FAM209A: variants seen among roughly 807,000 people sequenced by gnomAD.
FAM209A encodes protein FAM209A.
A neutral mutation model predicts 9.8 loss-of-function variants in FAM209A; 4 were observed. That is an observed-to-expected ratio of 0.41 (90% CI 0.20 to 0.94). The LOEUF is 0.94. Ranked by LOEUF, FAM209A falls within the 40% of genes least tolerant of loss-of-function variation. The pLI is 0.32. For synonymous variants in FAM209A, 55 were observed against 77.8 expected (o/e 0.71, Z 1.54); for missense variants, 205 against 209.4 (o/e 0.98, Z 0.13).
At chr20:56,533,396 G>A in the FAM209A span, 1 of 1,614,010 alleles carries the variant, frequency 6.2e-7, no homozygotes, top group Non-Finnish European at 8.5e-7. Flanking sequence ...CTGCAGCTAT[G>A]CCTTTATGTT....
chr20:56,531,295 CTTTGT>C, the FAM209A span, among the ~76,000 whole-genome samples: 1 of 147,718 alleles, frequency 6.8e-6, no homozygotes. Context: ...TTTCTTCTTT[CTTTGT>C]TTTTTTTTTT....
At chr20:56,533,502 G>T in the FAM209A span, 1 of 1,614,186 alleles carries the variant, frequency 6.2e-7, no homozygotes, top group Non-Finnish European at 8.5e-7. Context: ...CACACCCAAG[G>T]CTGGCTTGGG....
At chr20:56,532,628 C>T in the FAM209A span, among the ~76,000 whole-genome samples, 1 of 151,812 alleles carries the variant, frequency 6.6e-6, no homozygotes, top group East Asian at 1.9e-4. Flanking sequence ...AGACTACAGG[C>T]GTGTGCCACC....
chr20:56,531,079 C>T (rs1408555266), downstream of FAM209A, among the ~76,000 whole-genome samples: 4 of 152,124 alleles, frequency 2.6e-5, no homozygotes, highest in Non-Finnish European at 5.9e-5. Context: ...GTCCTAGGTT[C>T]ATTCCCAGCC....
At chr20:56,528,247 T>G (rs1985620452), downstream of FAM209A, among the ~76,000 whole-genome samples, 1 of 151,768 alleles carries the variant, frequency 6.6e-6, no homozygotes, top group African/African-American at 2.4e-5. Flanking sequence ...TGCACCGTAG[T>G]GCTACAGCCT....
rs140693409 is a variant in FAM209A, at chr20:56,525,666, C to T, written c.250-138C>T. The T allele has an allele frequency of 1.1e-3, 906 of 852,086 alleles. 8 individuals carry two copies. The highest frequency in any genetic ancestry group is 7.9e-3 in the African/African-American group (470 of 59,344). 52.8% of individuals were successfully genotyped at this position (852,086 alleles called of 1,614,324 possible). A position where few individuals can be genotyped will look rare whatever the true frequency, so the allele number is the denominator to read the frequency against. ...TCGGCAAACCCTTCCCGTAAAGGGC[C>T]AGGGAGGGTGCGAATATCTTCAGCT... On this transcript the variant is annotated intron_variant, in intron 1 of 1. Transcript: ENST00000371328.
chr20:56,529,590 A>G (rs1985673549), downstream of FAM209A, among the ~76,000 whole-genome samples: 1 of 152,178 alleles, frequency 6.6e-6, no homozygotes, highest in South Asian at 2.1e-4. Flanking sequence ...GCATTTTGGG[A>G]GGCCGAGACA....
rs1166924926 is a variant in FAM209A at position 56,525,119 on chromosome 20, G to A, written c.249+62G>A. The A allele has an allele frequency of 1.6e-5, 26 of 1,593,124 alleles. No individual in the cohort carries two copies. In the South Asian group the frequency reaches 2.2e-4, roughly 13 times the overall value. On this transcript the variant is annotated intron_variant, in intron 1 of 1. Coordinates refer to ENST00000371328, the MANE Select transcript of FAM209A (RefSeq NM_001012971.4). ...TCAATCTCAGGAGTCTCAGGGAAAC[G>A]GATGTTCTAGTGAGTCTAGACGGCA...
At chr20:56,526,340 C>T (rs1318701515), downstream of FAM209A, among the ~76,000 whole-genome samples, 4 of 152,036 alleles carry the variant, frequency 2.6e-5, no homozygotes, top group Non-Finnish European at 4.4e-5. Flanking sequence ...GTTCAATGGC[C>T]GCGGGTGGAC....
rs1326495689 is a variant in FAM209A at position 56,526,146 on chromosome 20, A to G, written c.*76A>G. ...GCAAACTAATAAAACTATTCTGAAG[A>G]AAAGAACTTCCATGTTTGAGAGCTT... On this transcript the variant is annotated 3_prime_UTR_variant, in exon 2 of 2. Coordinates refer to ENST00000371328, the MANE Select transcript of FAM209A (RefSeq NM_001012971.4). 3.0e-5 allele frequency: 45 copies of G among 1,487,078 alleles called. No individual in the cohort carries two copies. Among genetic ancestry groups the G allele is most frequent in the Non-Finnish European group, 4.0e-5 (45 of 1,119,596 alleles). 92.1% of individuals were successfully genotyped at this position (1,487,078 alleles called of 1,614,324 possible).
downstream of FAM209A, among the ~76,000 whole-genome samples, chr20:56,527,766 C>G (rs1460549204): frequency 5.3e-5 from 8 of 152,252 alleles, no homozygotes; most frequent in Admixed American, 4.6e-4. Flanking sequence ...AGGCGTCCCT[C>G]AAGGGTCCCA....
downstream of FAM209A, among the ~76,000 whole-genome samples, chr20:56,528,142 G>C (rs1568720537): frequency 6.6e-6 from 1 of 151,856 alleles, no homozygotes; most frequent in South Asian, 2.1e-4. Context: ...GGTTACCCAG[G>C]TGCGGTGCTG....
At position 56,525,911 on chromosome 20, in the gene FAM209A, C is replaced by CG. The variant is rs751276636; in HGVS notation, c.358dup (p.Glu120GlyfsTer15). On this transcript the variant is annotated frameshift_variant, in exon 2 of 2. Coordinates refer to ENST00000371328, the MANE Select transcript of FAM209A (RefSeq NM_001012971.4). LOFTEE classifies it low-confidence loss of function (END_TRUNC). ...GTGCATTCAATACCTTAATGGAACT[C>CG]GAGGTGGAGCTTATGAAATTTGTGT... 2.5e-6 allele frequency: 4 copies of CG among 1,614,174 alleles called. No homozygotes were observed. The South Asian group carries it at 4.4e-5, about 18-fold the overall frequency.
At chr20:56,532,480 C>CTTTTTTTTTTT in the FAM209A span, among the ~76,000 whole-genome samples, 4 of 108,256 alleles carry the variant, frequency 3.7e-5, no homozygotes, top group African/African-American at 7.6e-5. Flanking sequence ...TTTTCTTTTT[C>CTTTTTTTTTTT]TTTTTTTTTT....
chr20:56,525,854 GA>G lies in FAM209A; in HGVS notation c.307del (p.Arg103GlufsTer14). The G allele has an allele frequency of 1.9e-6, 3 of 1,614,044 alleles. No individual in the cohort carries two copies. Among genetic ancestry groups the G allele is most frequent in the South Asian group, 1.1e-5 (1 of 91,080 alleles). ...RGGQLHSPLK[K>X]KRNASPNKDC... ...GCGGCCAACTTCACTCTCCATTAAAGAAAAAAAGAAATGCTTCCCCCAACAA... is the reference window on the plus strand; with the variant it reads ...GCGGCCAACTTCACTCTCCATTAAAGAAAAAAGAAATGCTTCCCCCAACAA... On this transcript the variant is annotated frameshift_variant, in exon 2 of 2. Transcript: ENST00000371328. LOFTEE classifies it low-confidence loss of function (END_TRUNC).
chr20:56,525,110 C>G, intron 1 of FAM209A, 53 bp downstream of exon 1: 2 of 1,598,094 alleles, frequency 1.3e-6, no homozygotes, highest in South Asian at 2.3e-5. Flanking sequence ...TCAGGAGTCT[C>G]AGGGAAACGG....
the FAM209A span, chr20:56,533,453 T>C: frequency 9.1e-6 from 14 of 1,545,998 alleles, no homozygotes; most frequent in Admixed American, 5.2e-5. Context: ...GAAGGTGCCG[T>C]GTGGAGAGCA....
In FAM209A at chr20:56,525,877, A is replaced by G. The variant is rs766675632; in HGVS notation, c.323A>G (p.Asn108Ser). ...PLKKKRNASP[N>S]KDCAFNTLME... The stretch of plus-strand genomic sequence containing the variant: ...AAGAAAAAAAGAAATGCTTCCCCCA[A>G]CAAAGACTGTGCATTCAATACCTTA... Residue 108 changes from asparagine to serine, a missense_variant, in exon 2 of 2, where the codon AAC (asparagine) becomes AGC (serine). Transcript: ENST00000371328. The G allele has an allele frequency of 6.8e-6, 11 of 1,614,086 alleles. No individual in the cohort carries two copies. The Middle Eastern group carries it at 4.9e-4, about 72-fold the overall frequency.
downstream of FAM209A, among the ~76,000 whole-genome samples, chr20:56,528,302 A>G (rs933785794): frequency 2.2e-4 from 33 of 151,066 alleles, no homozygotes; most frequent in African/African-American, 7.8e-4. Flanking sequence ...AATAAAAATA[A>G]TGTTTGGGGG....
Sources: gnomAD v4.1 joint callset for allele counts (sites outside exome capture counted in the v4.1 genomes callset) on GRCh38, gnomAD v4.1.1 for gene constraint, MANE v1.5 for transcripts, NCBI Gene and HGNC (gene_info 2026-07-23, HGNC 2026-07-21) for gene names.